The following TUBGCP3 variants were observed in gnomAD, a reference collection of about 807,000 sequenced individuals.
The protein encoded by TUBGCP3 is gamma-tubulin complex component 3.
TUBGCP3 carries 50 observed loss-of-function variants against 123.1 expected under a neutral mutation model. The observed-to-expected ratio is 0.41, with a 90% CI of 0.32 to 0.51. TUBGCP3 has a LOEUF of 0.51. Ranked by LOEUF, TUBGCP3 falls within the 20% of genes least tolerant of loss-of-function variation. The probability of loss-of-function intolerance (pLI) is 0.36; values close to 1 mark genes in which losing one functional copy is unlikely to be tolerated. For synonymous variants in TUBGCP3, 405 were observed against 413.9 expected (o/e 0.98, Z 0.26); for missense variants, 882 against 1,127.0 (o/e 0.78, Z 3.11).
At chr13:112,546,114 T>C in intron 10 of TUBGCP3, 1 of 396,888 alleles carries the variant, frequency 2.5e-6, no homozygotes, top group Admixed American at 3.8e-5. Context: ...TGCTGAGGAA[T>C]TTTTCAGAAA....
rs753401058 is a variant in TUBGCP3, at chr13:112,569,255, A to G, written c.81T>C (p.Asp27=). The G allele has an allele frequency of 3.1e-6, 5 of 1,613,986 alleles. No individual in the cohort carries two copies. The African/African-American group carries it at 5.3e-5, about 17-fold the overall frequency. The change falls in exon 2 of 22, where the codon GAT becomes GAC. Residue 27 remains aspartate (D), a synonymous_variant. Coordinates refer to ENST00000261965, the MANE Select transcript of TUBGCP3 (RefSeq NM_006322.6). ...CCRILGRSEA[D]VAQQFQYAVR... is the part of the protein sequence containing the mutation. ...CAGCATACTGGAACTGCTGGGCTAC[A>G]TCAGCTGAAAGACAAACAAAAGGAT... is the stretch of plus-strand genomic sequence containing the variant.
chr13:112,546,005 C>T, intron 10 of TUBGCP3, 140 bp from the exon 11 acceptor site: 1 of 867,258 alleles, frequency 1.2e-6, no homozygotes, highest in South Asian at 2.0e-5. Context: ...CCACTTTGGA[C>T]CTAGAAGCAG....
At position 112,588,079 on chromosome 13, in the gene TUBGCP3, C is replaced by G; in HGVS notation, c.-99G>C. ...CGCCCTTCCTGCGCCCCGCAAGCTC[C>G]CTGCTCCTGACAGGCTAAGGCGCGG... is the stretch of plus-strand genomic sequence containing the variant. On this transcript the variant is annotated 5_prime_UTR_variant, in exon 1 of 22. Coordinates refer to ENST00000261965, the MANE Select transcript of TUBGCP3 (RefSeq NM_006322.6). 9.2e-7 allele frequency: 1 copy of G among 1,087,540 alleles called. No homozygotes were observed. The highest frequency in any genetic ancestry group is 3.2e-4 in the Middle Eastern group (1 of 3,078). 67.4% of individuals were successfully genotyped at this position (1,087,540 alleles called of 1,614,324 possible). A position where few individuals can be genotyped will look rare whatever the true frequency, so the allele number is the denominator to read the frequency against.
intron 9 of TUBGCP3, 50 bp downstream of exon 9, chr13:112,548,058 T>C: frequency 7.2e-7 from 1 of 1,388,134 alleles, no homozygotes; most frequent in Non-Finnish European, 9.8e-7. Flanking sequence ...AGCTTCAATT[T>C]TGTAACACTT....
chr13:112,501,790 G>A (rs1301923832), intron 19 of TUBGCP3, among the ~76,000 whole-genome samples: 1 of 152,158 alleles, frequency 6.6e-6, no homozygotes, highest in African/African-American at 2.4e-5. Context: ...ACGACGTCAG[G>A]TGGGACCAAC....
intron 20 of TUBGCP3, among the ~76,000 whole-genome samples, chr13:112,494,766 C>T (rs1022918382): frequency 3.9e-5 from 6 of 152,228 alleles, no homozygotes; most frequent in Non-Finnish European, 8.8e-5. Flanking sequence ...GCCATTTTAA[C>T]TGGGGTGGGA....
chr13:112,494,371 T>C (rs940239191), intron 20 of TUBGCP3, among the ~76,000 whole-genome samples: 14 of 152,238 alleles, frequency 9.2e-5, no homozygotes, highest in Admixed American at 3.9e-4. Flanking sequence ...CTCACCAGCA[T>C]TTGTTGGTGT....
chr13:112,536,167 G>T (rs1464025919), intron 11 of TUBGCP3, among the ~76,000 whole-genome samples: 1 of 152,236 alleles, frequency 6.6e-6, no homozygotes, highest in African/African-American at 2.4e-5. Flanking sequence ...ATTGTAGCAT[G>T]TTTTAAAATC....
At chr13:112,581,005 TATAA>T (rs1882238482) in intron 1 of TUBGCP3, among the ~76,000 whole-genome samples, 4 of 148,520 alleles carry the variant, frequency 2.7e-5, no homozygotes, top group Admixed American at 2.7e-4. Flanking sequence ...CCTCTTAAAA[TATAA>T]ATATTATCAT....
intron 17 of TUBGCP3, among the ~76,000 whole-genome samples, chr13:112,505,276 C>T (rs939281917): frequency 1.3e-5 from 2 of 152,194 alleles, no homozygotes; most frequent in African/African-American, 4.8e-5. Flanking sequence ...GTTCTCTGCT[C>T]GCACTTTTAA....
chr13:112,528,248 T>C (rs112445390), intron 11 of TUBGCP3, among the ~76,000 whole-genome samples: 81 of 152,366 alleles, frequency 5.3e-4, no homozygotes, highest in African/African-American at 1.9e-3. Flanking sequence ...CCTAATAGAA[T>C]TGCACTTTTA....
chr13:112,563,869 C>T (rs1418768754), intron 3 of TUBGCP3, among the ~76,000 whole-genome samples: 2 of 134,208 alleles, frequency 1.5e-5, no homozygotes, highest in African/African-American at 3.2e-5. Flanking sequence ...AGCAAGACTT[C>T]GCCTCAAAAA....
chr13:112,544,390 C>T (rs541361248), intron 11 of TUBGCP3, among the ~76,000 whole-genome samples: 19 of 145,506 alleles, frequency 1.3e-4, no homozygotes, highest in Admixed American at 8.5e-4. Flanking sequence ...GAGGCAGAGC[C>T]TGCAGTGAGC....
intron 17 of TUBGCP3, among the ~76,000 whole-genome samples, chr13:112,516,036 T>C (rs1203667294): frequency 6.6e-6 from 1 of 152,244 alleles, no homozygotes; most frequent in East Asian, 1.9e-4. Context: ...AGTCATTCAA[T>C]GTTTATAACA....
intron 21 of TUBGCP3, among the ~76,000 whole-genome samples, chr13:112,488,400 C>T (rs897006418): frequency 1.4e-4 from 21 of 152,210 alleles, no homozygotes; most frequent in African/African-American, 5.1e-4. Context: ...TACATGGAGG[C>T]AAAAGCAGAG....
intron 2 of TUBGCP3, among the ~76,000 whole-genome samples, chr13:112,567,512 T>C (rs182054965): frequency 2.7e-4 from 41 of 152,324 alleles, no homozygotes; most frequent in African/African-American, 9.4e-4. Context: ...GAGGAGAGTA[T>C]AGTGTTCTTA....
intron 8 of TUBGCP3, among the ~76,000 whole-genome samples, chr13:112,553,673 G>A (rs1042942839): frequency 2.6e-5 from 4 of 152,320 alleles, no homozygotes; most frequent in Admixed American, 6.5e-5. Context: ...GGGGAATCAC[G>A]CAGCTGGGAG....
chr13:112,585,731 G>A (rs1470900572), intron 1 of TUBGCP3, among the ~76,000 whole-genome samples: 1 of 152,050 alleles, frequency 6.6e-6, no homozygotes, highest in Non-Finnish European at 1.5e-5. Flanking sequence ...TCATGCCACT[G>A]CACTCCAGCC....
rs945874831 is a variant in TUBGCP3 at position 112,485,874 on chromosome 13, A to G, written c.*119T>C. ...ACGCCGCTCCGCTGAAACATGGCGC[A>G]CTCGTGGGCGGAAGGGCAGGACACC... On this transcript the variant is annotated 3_prime_UTR_variant, in exon 22 of 22. Coordinates refer to ENST00000261965, the MANE Select transcript of TUBGCP3 (RefSeq NM_006322.6). 2.3e-6 allele frequency: 2 copies of G among 882,544 alleles called. No individual in the cohort carries two copies. Among genetic ancestry groups the G allele is most frequent in the African/African-American group, 1.7e-5 (1 of 59,640 alleles). The allele number at this position is 882,544 out of a possible 1,614,324, so 54.7% of individuals were successfully genotyped here.
Sources: gnomAD v4.1 joint callset for allele counts (sites outside exome capture counted in the v4.1 genomes callset) on GRCh38, gnomAD v4.1.1 for gene constraint, MANE v1.5 for transcripts, NCBI Gene and HGNC (gene_info 2026-07-23, HGNC 2026-07-21) for gene names.